MTUS2: variants seen among roughly 807,000 people sequenced by gnomAD.
MTUS2 encodes microtubule associated scaffold protein 2, also known as microtubule-associated tumor suppressor candidate 2.
Under a neutral mutation model 114.1 loss-of-function variants are expected in MTUS2, and 40 were observed. That is an observed-to-expected ratio of 0.35 (90% CI 0.27 to 0.46). MTUS2 has a LOEUF of 0.46. Among genes scored for constraint, MTUS2 ranks in the 20% least tolerant of loss-of-function variants. MTUS2 has a pLI of 1.00. For synonymous variants in MTUS2, 688 were observed against 672.0 expected (o/e 1.02, Z -0.37); for missense variants, 1,679 against 1,705.4 (o/e 0.98, Z 0.27).
intron 2 of MTUS2, among the ~76,000 whole-genome samples, chr13:28,995,426 A>G (rs548270912): frequency 1.2e-4 from 19 of 152,314 alleles, no homozygotes; most frequent in African/African-American, 4.3e-4. Context: ...GCTTTTTCCA[A>G]TTCTGTGAAG....
At chr13:29,367,199 G>A (rs1320178722) in intron 8 of MTUS2, among the ~76,000 whole-genome samples, 1 of 152,072 alleles carries the variant, frequency 6.6e-6, no homozygotes, top group Non-Finnish European at 1.5e-5. Flanking sequence ...CCTTGAGAGA[G>A]GAACGTGGCT....
At chr13:28,970,235 A>G (rs543094566) in intron 2 of MTUS2, among the ~76,000 whole-genome samples, 1 of 151,172 alleles carries the variant, frequency 6.6e-6, no homozygotes, top group East Asian at 2.0e-4. Flanking sequence ...GTTTAGTATT[A>G]TGCTTCATGC....
At position 29,264,243 on chromosome 13, in the gene MTUS2, G is replaced by GTC. The variant is rs1897585288; in HGVS notation, c.2645-17461_2645-17460insTC. Reference sequence around the variant, plus strand: ...TTTGACTCCATGTCCCACATCCAGGGCACACTAGTGCATGGGGTGAGCTCC... The same window carrying GTC: ...TTTGACTCCATGTCCCACATCCAGGGTCCACACTAGTGCATGGGGTGAGCTCC... On this transcript the variant is annotated intron_variant, in intron 5 of 15. Coordinates refer to ENST00000612955, the MANE Select transcript of MTUS2 (RefSeq NM_001033602.4). Among the ~76,000 whole-genome samples, 8 of 152,378 alleles carry GTC rather than the reference G, an allele frequency of 5.3e-5. No individual in the cohort carries two copies. In the South Asian group the frequency reaches 1.7e-3, roughly 32 times the overall value.
chr13:28,972,640 C>G (rs540150529), intron 2 of MTUS2, among the ~76,000 whole-genome samples: 1 of 152,148 alleles, frequency 6.6e-6, no homozygotes, highest in Non-Finnish European at 1.5e-5. Flanking sequence ...GTCGCAGCCC[C>G]GAGTTCTGAG....
At position 28,976,685 on chromosome 13, in the gene MTUS2, TG is replaced by T. The variant is rs561122112; in HGVS notation, c.-242-47771del. On this transcript the variant is annotated intron_variant, in intron 2 of 15. Coordinates refer to ENST00000612955, the MANE Select transcript of MTUS2 (RefSeq NM_001033602.4). Reference sequence around the variant, plus strand: ...AAGTTAAAATAAGTAGGACATTTTTTGTAACAGTGATTGGCAATATCTAAAT... The same window carrying T: ...AAGTTAAAATAAGTAGGACATTTTTTTAACAGTGATTGGCAATATCTAAAT... 2.6e-3 allele frequency among the ~76,000 whole-genome samples: 400 copies of T among 152,326 alleles called. 1 individual carries two copies. The highest frequency in any genetic ancestry group is 9.1e-3 in the African/African-American group (379 of 41,556).
intron 8 of MTUS2, among the ~76,000 whole-genome samples, chr13:29,435,038 A>G (rs1452870040): frequency 6.6e-6 from 1 of 152,216 alleles, no homozygotes; most frequent in Non-Finnish European, 1.5e-5. Flanking sequence ...CTTGTCTTGC[A>G]TTCCATCTGT....
intron 2 of MTUS2, among the ~76,000 whole-genome samples, chr13:28,935,353 G>GT (rs1425909758): frequency 6.6e-6 from 1 of 152,070 alleles, no homozygotes; most frequent in African/African-American, 2.4e-5. Context: ...ATTGCCAAAC[G>GT]TATGTTGAGT....
rs148219524 is a variant in MTUS2 at position 29,394,647 on chromosome 13, C to T, written c.3117+35174C>T. ...AAGGGGATTCTCCCCAGCAGGGATC[C>T]CCAACCCCCTGGCCACGAACTGGTA... On this transcript the variant is annotated intron_variant, in intron 8 of 15. Transcript: ENST00000612955. Among the ~76,000 whole-genome samples, 936 of 152,296 alleles carry T rather than the reference C, an allele frequency of 6.1e-3. 7 individuals are homozygous for T. The highest frequency in any genetic ancestry group is 0.021 in the African/African-American group (892 of 41,552).
chr13:29,484,168 G>C (rs1211067532), intron 10 of MTUS2: 2 of 152,238 alleles, frequency 1.3e-5, no homozygotes, highest in African/African-American at 4.8e-5. Context: ...AATTTGCTTT[G>C]TCTCATATCC....
intron 5 of MTUS2, among the ~76,000 whole-genome samples, chr13:29,204,052 C>A (rs1015567297): frequency 6.6e-6 from 1 of 152,032 alleles, no homozygotes; most frequent in Non-Finnish European, 1.5e-5. Context: ...CTCCACCTCC[C>A]AGTTTCAGGT....
intron 2 of MTUS2, among the ~76,000 whole-genome samples, chr13:28,968,481 A>G (rs529456776): frequency 6.8e-4 from 104 of 152,326 alleles, no homozygotes; most frequent in African/African-American, 2.4e-3. Context: ...CTATTATTAA[A>G]TGCAGAAAAT....
intron 2 of MTUS2, among the ~76,000 whole-genome samples, chr13:28,887,191 G>C (rs1336841378): frequency 6.6e-6 from 1 of 152,202 alleles, no homozygotes; most frequent in Admixed American, 6.5e-5. Flanking sequence ...TGACCTGATT[G>C]AACTACTGCC....
intron 1 of MTUS2, among the ~76,000 whole-genome samples, chr13:28,823,358 CCA>C (rs1436445780): frequency 6.6e-6 from 1 of 152,210 alleles, no homozygotes; most frequent in Non-Finnish European, 1.5e-5. Context: ...ATAATATCTA[CCA>C]CACACATGTT....
At chr13:28,963,330 G>A (rs995144054) in intron 2 of MTUS2, among the ~76,000 whole-genome samples, 6 of 152,236 alleles carry the variant, frequency 3.9e-5, no homozygotes, top group East Asian at 1.9e-4. Context: ...CAGCCTGAGC[G>A]TCAGAGCGAG....
At chr13:28,877,322 A>C (rs999443929) in intron 2 of MTUS2, among the ~76,000 whole-genome samples, 1 of 151,600 alleles carries the variant, frequency 6.6e-6, no homozygotes, top group Non-Finnish European at 1.5e-5. Context: ...CATCTCAAAA[A>C]AAAAAAAAAA....
intron 2 of MTUS2, among the ~76,000 whole-genome samples, chr13:28,840,720 A>G (rs1307508560): frequency 2.0e-5 from 3 of 152,222 alleles, no homozygotes; most frequent in African/African-American, 7.2e-5. Flanking sequence ...GATTCAACTC[A>G]TGATAGACTC....
At chr13:29,199,728 G>T (rs6490366) in intron 5 of MTUS2, among the ~76,000 whole-genome samples, 125,967 of 151,452 alleles carry the variant, frequency 0.83, 52,516 homozygotes, top group African/African-American at 0.91. Flanking sequence ...GAGGAGTCCT[G>T]TTTTTTTTCT....
chr13:29,105,979 A>C (rs1034960899), intron 5 of MTUS2, among the ~76,000 whole-genome samples: 3 of 152,098 alleles, frequency 2.0e-5, no homozygotes, highest in African/African-American at 7.2e-5. Flanking sequence ...CTGCCACTTC[A>C]TCGTGGCGCT....
At chr13:29,359,206 C>A in intron 7 of MTUS2, 56 bp from the exon 8 acceptor site, 1 of 1,489,506 alleles carries the variant, frequency 6.7e-7, no homozygotes, top group Non-Finnish European at 9.1e-7. Flanking sequence ...GCCGTTGTCA[C>A]ATGTGTACTG....
Sources: gnomAD v4.1 joint callset for allele counts (sites outside exome capture counted in the v4.1 genomes callset) on GRCh38, gnomAD v4.1.1 for gene constraint, MANE v1.5 for transcripts, NCBI Gene and HGNC (gene_info 2026-07-23, HGNC 2026-07-21) for gene names.